Variants in OSBPL10 observed in about 807,000 individuals in gnomAD.
OSBPL10 encodes oxysterol binding protein like 10, also known as oxysterol-binding protein-related protein 10.
A neutral mutation model predicts 81.7 loss-of-function variants in OSBPL10; 49 were observed. The ratio of observed to expected loss-of-function variants is 0.60; its 90% confidence interval spans 0.48 to 0.76. The LOEUF is 0.76. Ranked by LOEUF, OSBPL10 falls within the 30% of genes least tolerant of loss-of-function variation. The pLI, the probability that OSBPL10 is intolerant of heterozygous loss-of-function variation, is 0.00. For missense variants in OSBPL10, 923 were observed against 987.8 expected (o/e 0.93, Z 0.88); for synonymous variants, 419 against 383.6 (o/e 1.09, Z -1.08).
intron 3 of OSBPL10, among the ~76,000 whole-genome samples, chr3:31,854,300 C>T (rs1242674474): frequency 1.3e-5 from 2 of 152,106 alleles, no homozygotes; most frequent in African/African-American, 2.4e-5. Flanking sequence ...ATACACTGTG[C>T]GCCTCACTCT....
intron 1 of OSBPL10, among the ~76,000 whole-genome samples, chr3:31,936,275 C>A (rs1422109777): frequency 6.6e-6 from 1 of 152,130 alleles, no homozygotes; most frequent in African/African-American, 2.4e-5. Context: ...TAAAATACTA[C>A]CAAAACAACC....
intron 1 of OSBPL10, among the ~76,000 whole-genome samples, chr3:31,964,709 C>T (rs1201713790): frequency 6.6e-6 from 1 of 151,998 alleles, no homozygotes; most frequent in African/African-American, 2.4e-5. Flanking sequence ...TAAACAACAC[C>T]CTGGCCTGAA....
At chr3:32,013,767 C>G (rs1699284046) in intron 2 of OSBPL10, among the ~76,000 whole-genome samples, 1 of 152,148 alleles carries the variant, frequency 6.6e-6, no homozygotes, top group African/African-American at 2.4e-5. Flanking sequence ...GTGGATATCA[C>G]CACTGATCCC....
At chr3:31,959,200 T>C (rs1020656587) in intron 1 of OSBPL10, among the ~76,000 whole-genome samples, 3 of 151,524 alleles carry the variant, frequency 2.0e-5, no homozygotes, top group Non-Finnish European at 4.4e-5. Flanking sequence ...CAGAGAAAAG[T>C]CTCAAATTTT....
At chr3:31,855,317 G>T (rs1399484059) in intron 3 of OSBPL10, among the ~76,000 whole-genome samples, 2 of 152,186 alleles carry the variant, frequency 1.3e-5, no homozygotes, top group Admixed American at 1.3e-4. Context: ...GCCATGCTCG[G>T]TGAGTTGTCA....
chr3:32,071,167 T>C (rs939863738), intron 1 of OSBPL10, among the ~76,000 whole-genome samples: 1 of 152,240 alleles, frequency 6.6e-6, no homozygotes, highest in African/African-American at 2.4e-5. Context: ...CTCTGTTACC[T>C]ACCTAAGTAT....
At chr3:32,068,742 C>T (rs560343044) in intron 1 of OSBPL10, among the ~76,000 whole-genome samples, 20 of 152,058 alleles carry the variant, frequency 1.3e-4, no homozygotes, top group Non-Finnish European at 2.2e-4. Flanking sequence ...TTCATTCTCT[C>T]CCTAGTCTCT....
intron 1 of OSBPL10, among the ~76,000 whole-genome samples, chr3:31,882,960 C>T (rs548567604): frequency 7.3e-4 from 111 of 152,254 alleles, no homozygotes; most frequent in African/African-American, 2.6e-3. Flanking sequence ...ACCAAACTCC[C>T]TCAATGAGAG....
intron 3 of OSBPL10, among the ~76,000 whole-genome samples, chr3:31,831,405 T>C (rs1700237975): frequency 7.1e-6 from 1 of 141,672 alleles, no homozygotes; most frequent in African/African-American, 2.7e-5. Context: ...AAACTCCGTC[T>C]CAAAAAAAAA....
intron 9 of OSBPL10, among the ~76,000 whole-genome samples, chr3:31,670,241 T>C (rs1700289326): frequency 6.6e-6 from 1 of 152,226 alleles, no homozygotes. Context: ...GTACAGTATA[T>C]CTTGCTTACA....
At chr3:31,833,610 A>G (rs1167639660) in intron 3 of OSBPL10, among the ~76,000 whole-genome samples, 1 of 152,054 alleles carries the variant, frequency 6.6e-6, no homozygotes, top group African/African-American at 2.4e-5. Context: ...TATTTTCTAC[A>G]AGGTCAGACT....
At chr3:31,809,554 C>T (rs895605780) in intron 4 of OSBPL10, among the ~76,000 whole-genome samples, 14 of 152,038 alleles carry the variant, frequency 9.2e-5, no homozygotes, top group African/African-American at 2.7e-4. Context: ...GTGGTGGACA[C>T]GGAGGTTTTA....
At chr3:31,808,414 A>G (rs577110721) in intron 4 of OSBPL10, among the ~76,000 whole-genome samples, 1 of 152,356 alleles carries the variant, frequency 6.6e-6, no homozygotes, top group South Asian at 2.1e-4. Context: ...CAGTATCTCT[A>G]TCCAAGGTGA....
chr3:31,889,095 A>G (rs142146931), intron 1 of OSBPL10, among the ~76,000 whole-genome samples: 414 of 152,330 alleles, frequency 2.7e-3, no homozygotes, highest in Non-Finnish European at 3.9e-3. Flanking sequence ...CAAAATCACA[A>G]TGAGGAATCA....
chr3:31,692,533 G>A (rs1695588763), intron 7 of OSBPL10, among the ~76,000 whole-genome samples: 1 of 151,910 alleles, frequency 6.6e-6, no homozygotes, highest in Non-Finnish European at 1.5e-5. Context: ...GAGCAACCCC[G>A]AGACCACCTC....
intron 8 of OSBPL10, among the ~76,000 whole-genome samples, chr3:31,675,571 A>G (rs1267281483): frequency 1.3e-5 from 2 of 152,186 alleles, no homozygotes; most frequent in African/African-American, 4.8e-5. Flanking sequence ...ACACTGCCAA[A>G]ATCCTGAAGG....
Position 31,683,945 on chromosome 3 carries a change from C to T in OSBPL10, c.1415G>A (p.Gly472Asp). 3 of 1,614,242 alleles carry T rather than the reference C, an allele frequency of 1.9e-6. No homozygotes were observed. The highest frequency in any genetic ancestry group is 2.5e-6 in the Non-Finnish European group (3 of 1,180,050). Residue 472 changes from glycine (G) to aspartate (D), a missense_variant, in exon 8 of 12, where the codon GGC becomes GAC. By Grantham distance (94) the Gly-to-Asp change is moderately conservative. This residue lies in a region of OSBPL10 where 387 missense variants were observed against 436.3 expected (regional missense o/e 0.89). Coordinates refer to ENST00000396556, the MANE Select transcript of OSBPL10 (RefSeq NM_017784.5). ...YLTAFHEGRK[G>D]ALAKKPYNPI... ...GTTGTAGGGCTTCTTGGCTAAAGCG[C>T]CCTTGCGGCCCTCGTGAAAGGCTGT... is the stretch of plus-strand genomic sequence containing the variant.
chr3:32,063,870 G>A lies in OSBPL10; in HGVS notation n.185+13526C>T, dbSNP rs191710499. On this transcript the variant is annotated intron_variant and non_coding_transcript_variant, in intron 1 of 3. Transcript: ENST00000479173. ...GGCCTCCCTAGCTATGTGGAACCGT[G>A]AGTCAATTAAACCTCTTTTCTTTGT... is the stretch of plus-strand genomic sequence containing the variant. 2.1e-5 allele frequency: 2 copies of A among 93,860 alleles called. 1 individual carries two copies. Among genetic ancestry groups the A allele is most frequent in the East Asian group, 4.9e-4 (2 of 4,082 alleles). 5.8% of individuals were successfully genotyped at this position (93,860 alleles called of 1,614,324 possible). A position where few individuals can be genotyped will look rare whatever the true frequency, so the allele number is the denominator to read the frequency against.
intron 4 of OSBPL10, among the ~76,000 whole-genome samples, chr3:31,815,380 A>G (rs1699811715): frequency 6.6e-6 from 1 of 152,262 alleles, no homozygotes; most frequent in Non-Finnish European, 1.5e-5. Flanking sequence ...TTTGTTTTAC[A>G]GCAATAGATA....
Sources: allele counts gnomAD v4.1 joint callset (sites outside exome capture counted in the v4.1 genomes callset), GRCh38; gene constraint gnomAD v4.1.1; regional missense constraint gnomAD v4.1.1; transcripts MANE v1.5; gene names NCBI Gene and HGNC (gene_info 2026-07-23, HGNC 2026-07-21).